METTL24: variants seen among roughly 807,000 people sequenced by gnomAD.
METTL24 encodes the protein methyltransferase like 24.
A neutral mutation model predicts 32.7 loss-of-function variants in METTL24; 29 were observed. The observed-to-expected ratio is 0.89, with a 90% CI of 0.66 to 1.21. METTL24 has a LOEUF of 1.21. Ranked by LOEUF, METTL24 falls within the 50% of genes most tolerant of loss-of-function variation. The pLI, the probability that METTL24 is intolerant of heterozygous loss-of-function variation, is 0.00. For synonymous variants in METTL24, 163 were observed against 179.5 expected (o/e 0.91, Z 0.73); for missense variants, 439 against 468.1 (o/e 0.94, Z 0.57).
chr6:110,301,293 A>G (rs1181998753), intron 3 of METTL24, among the ~76,000 whole-genome samples: 2 of 152,070 alleles, frequency 1.3e-5, no homozygotes, highest in African/African-American at 4.8e-5. Flanking sequence ...TGAAGTCTCT[A>G]CCCCAGTTTT....
At chr6:110,301,151 G>A (rs558850601) in intron 3 of METTL24, among the ~76,000 whole-genome samples, 3 of 152,146 alleles carry the variant, frequency 2.0e-5, no homozygotes, top group South Asian at 4.2e-4. Flanking sequence ...ATGTCCCTCC[G>A]CCATAGCTTT....
chr6:110,298,107 C>T (rs116791619), intron 4 of METTL24, among the ~76,000 whole-genome samples: 123 of 152,334 alleles, frequency 8.1e-4, no homozygotes, highest in Non-Finnish European at 1.5e-3. Context: ...CTCAGGCACA[C>T]TGTTTCTCAA....
chr6:110,316,653 T>G (rs575927212), intron 2 of METTL24, among the ~76,000 whole-genome samples: 16 of 152,308 alleles, frequency 1.1e-4, no homozygotes, highest in African/African-American at 3.8e-4. Context: ...CCCAACACTT[T>G]GGGAGGCCGA....
At chr6:110,327,100 A>G (rs1772029894) in intron 1 of METTL24, among the ~76,000 whole-genome samples, 1 of 152,192 alleles carries the variant, frequency 6.6e-6, no homozygotes. Context: ...TCTGACAGAG[A>G]TCTCTACAGG....
Position 110,358,136 on chromosome 6 carries a change from G to A in METTL24, c.137C>T (p.Pro46Leu), listed in dbSNP as rs1772737507. 3.5e-6 allele frequency: 4 copies of A among 1,134,328 alleles called. No homozygotes were observed. Among genetic ancestry groups the A allele is most frequent in the Middle Eastern group, 3.7e-4 (1 of 2,678 alleles). The allele number at this position is 1,134,328 out of a possible 1,614,324, so 70.3% of individuals were successfully genotyped here. The change falls in exon 1 of 5, where the codon CCG becomes CTG. Residue 46 changes from proline to leucine, a missense_variant. Pro to Leu is a moderately conservative substitution (Grantham distance 98). Transcript: ENST00000338882. ...AGPGSPTRSAPPGPAWRPPGP... is the reference protein window; with the variant it reads ...AGPGSPTRSALPGPAWRPPGP... ...AGGTGGCCGCCAGGCCGGGCCCGGCGGGGCGCTGCGGGTGGGGGACCCGGG... is the reference window on the plus strand; with the variant it reads ...AGGTGGCCGCCAGGCCGGGCCCGGCAGGGCGCTGCGGGTGGGGGACCCGGG...
chr6:110,309,459 G>A (rs1771680137), intron 3 of METTL24, among the ~76,000 whole-genome samples: 1 of 152,128 alleles, frequency 6.6e-6, no homozygotes, highest in South Asian at 2.1e-4. Context: ...ATCCTCAACA[G>A]GGACGATGTA....
chr6:110,268,499 C>T (rs9487331), intron 4 of METTL24, among the ~76,000 whole-genome samples: 29,125 of 152,114 alleles, frequency 0.19, 3,614 homozygotes, highest in African/African-American at 0.36. Context: ...ATCTGAGTCT[C>T]TGTTGAACTT....
At chr6:110,324,110 T>C (rs747484552) in intron 1 of METTL24, among the ~76,000 whole-genome samples, 29 of 152,136 alleles carry the variant, frequency 1.9e-4, no homozygotes, top group Non-Finnish European at 4.0e-4. Context: ...GGAACAAGGT[T>C]AGTCTATGTG....
At chr6:110,333,845 T>A (rs1168615186) in intron 1 of METTL24, among the ~76,000 whole-genome samples, 1 of 152,262 alleles carries the variant, frequency 6.6e-6, no homozygotes, top group Non-Finnish European at 1.5e-5. Context: ...TCTTGATAAC[T>A]GACACACTTA....
intron 1 of METTL24, among the ~76,000 whole-genome samples, chr6:110,336,557 G>A (rs1307584942): frequency 6.6e-6 from 1 of 151,918 alleles, no homozygotes; most frequent in African/African-American, 2.4e-5. Flanking sequence ...TGGCTAACAC[G>A]GTGAAACCCC....
At chr6:110,343,515 G>A (rs895184514) in intron 1 of METTL24, among the ~76,000 whole-genome samples, 5 of 152,190 alleles carry the variant, frequency 3.3e-5, no homozygotes, top group Non-Finnish European at 7.3e-5. Context: ...TGCCAGAGTG[G>A]CATAATTCAT....
intron 1 of METTL24, among the ~76,000 whole-genome samples, chr6:110,335,256 G>A (rs1179106518): frequency 2.0e-5 from 3 of 152,166 alleles, no homozygotes; most frequent in Non-Finnish European, 4.4e-5. Flanking sequence ...ATGGGAGCAA[G>A]AATCTCCAAA....
At chr6:110,289,190 A>C (rs112502229) in intron 4 of METTL24, among the ~76,000 whole-genome samples, 1,573 of 152,352 alleles carry the variant, frequency 0.01, 29 homozygotes, top group African/African-American at 0.035. Flanking sequence ...TACTGAAAAT[A>C]CACCAGTAAA....
At chr6:110,260,324 G>A (rs1423237160) in intron 4 of METTL24, among the ~76,000 whole-genome samples, 1 of 152,230 alleles carries the variant, frequency 6.6e-6, no homozygotes, top group Non-Finnish European at 1.5e-5. Flanking sequence ...GAATGCACAA[G>A]CTTTATCAGC....
chr6:110,267,261 A>C (rs1052293650), intron 4 of METTL24, among the ~76,000 whole-genome samples: 4 of 152,352 alleles, frequency 2.6e-5, no homozygotes, highest in African/African-American at 7.2e-5. Flanking sequence ...TGTATGGCTA[A>C]AGGCCATGAA....
chr6:110,281,178 G>A (rs1771129347), intron 4 of METTL24, among the ~76,000 whole-genome samples: 1 of 152,072 alleles, frequency 6.6e-6, no homozygotes, highest in Admixed American at 6.6e-5. Context: ...GTTCAGATAC[G>A]AGAAAATATT....
intron 2 of METTL24, among the ~76,000 whole-genome samples, chr6:110,319,716 G>GA (rs912068054): frequency 2.5e-4 from 36 of 144,938 alleles, no homozygotes; most frequent in Admixed American, 1.6e-3. Flanking sequence ...CTTTCACATT[G>GA]AAAAAAAAAA....
intron 4 of METTL24, among the ~76,000 whole-genome samples, chr6:110,281,712 C>G (rs1771140132): frequency 1.3e-5 from 2 of 151,686 alleles, no homozygotes; most frequent in Admixed American, 1.3e-4. Context: ...AGCAACACCA[C>G]TTTCATGTAG....
chr6:110,317,045 C>T (rs1771833977), intron 2 of METTL24, among the ~76,000 whole-genome samples: 1 of 152,222 alleles, frequency 6.6e-6, no homozygotes, highest in Admixed American at 6.5e-5. Flanking sequence ...CTTGCTATCC[C>T]CTCCGGCTGG....
Sources: allele counts gnomAD v4.1 joint callset (sites outside exome capture counted in the v4.1 genomes callset), GRCh38; gene constraint gnomAD v4.1.1; transcripts MANE v1.5; gene names NCBI Gene and HGNC (gene_info 2026-07-23, HGNC 2026-07-21).